ANKRD13C: variants seen among roughly 807,000 people sequenced by gnomAD.
ANKRD13C encodes ankyrin repeat domain-containing protein 13C.
Under a neutral mutation model 65.5 loss-of-function variants are expected in ANKRD13C, and 16 were observed. That is an observed-to-expected ratio of 0.24 (90% confidence interval 0.17 to 0.37). ANKRD13C has a LOEUF of 0.37. Among genes scored for constraint, ANKRD13C ranks in the 10% least tolerant of loss-of-function variants. The pLI, the probability that ANKRD13C is intolerant of heterozygous loss-of-function variation, is 1.00. For missense variants in ANKRD13C, 503 were observed against 655.9 expected, an observed-to-expected ratio of 0.77 and a Z score of 2.55; for synonymous variants, 235 against 238.7, an observed-to-expected ratio of 0.98 and a Z score of 0.14.
chr1:70,282,054 CTTT>C (rs1228023912), intron 9 of ANKRD13C, among the ~76,000 whole-genome samples: 6 of 131,996 alleles, frequency 4.5e-5, no homozygotes, highest in Admixed American at 7.7e-5. Context: ...TACATATCAT[CTTT>C]TTTTTTTTTT....
chr1:70,271,066 C>G, intron 11 of ANKRD13C, 110 bp from the exon 12 acceptor site: 2 of 634,614 alleles, frequency 3.2e-6, no homozygotes, highest in South Asian at 2.0e-5. Context: ...CTTCCAGATA[C>G]TAAGGATGAG....
chr1:70,272,990 AAAATAAATAAATAAAT>A (rs56932890), intron 11 of ANKRD13C, among the ~76,000 whole-genome samples: 1 of 147,116 alleles, frequency 6.8e-6, no homozygotes, highest in Non-Finnish European at 1.5e-5. Flanking sequence ...TCTGTCTCAA[AAAATAAATAAATAAAT>A]AAATAAATAA....
In ANKRD13C at chr1:70,288,471, G is replaced by T. The variant is rs112791385; in HGVS notation, c.1215+3917C>A. Among the ~76,000 whole-genome samples the T allele has an allele frequency of 4.3e-3, 647 of 152,116 alleles. 4 individuals are homozygous for T. Among genetic ancestry groups the T allele is most frequent in the African/African-American group, 0.015 (617 of 41,488 alleles). On this transcript the variant is annotated intron_variant, in intron 9 of 12. Transcript: ENST00000370944. ...GTTTTTTGCAGCTTAATTCATTATG[G>T]CCCAAAACAACCCAGATGTTCTTCA...
intron 1 of ANKRD13C, among the ~76,000 whole-genome samples, chr1:70,336,740 T>C (rs1042201746): frequency 1.3e-5 from 2 of 152,120 alleles, no homozygotes; most frequent in African/African-American, 4.8e-5. Flanking sequence ...AATTTATATT[T>C]GGGAAACAAA....
At chr1:70,300,090 GATAAA>G (rs1334105129) in intron 7 of ANKRD13C, among the ~76,000 whole-genome samples, 4 of 152,068 alleles carry the variant, frequency 2.6e-5, no homozygotes, top group African/African-American at 9.7e-5. Flanking sequence ...ATATTAAGGA[GATAAA>G]ATAAAGATGG....
intron 12 of ANKRD13C, among the ~76,000 whole-genome samples, chr1:70,264,042 C>A (rs1262722599): frequency 2.0e-5 from 3 of 152,030 alleles, no homozygotes; most frequent in African/African-American, 7.2e-5. Flanking sequence ...TCCTTTGTAC[C>A]TACTATATGC....
In ANKRD13C at chr1:70,313,676, G is replaced by A. The variant is rs59610555; in HGVS notation, c.709+69C>T. 2,940 of 1,145,618 alleles carry A rather than the reference G, an allele frequency of 2.6e-3. 51 individuals carry two copies. In the African/African-American group the frequency reaches 0.041, roughly 16 times the overall value. The allele number at this position is 1,145,618 out of a possible 1,614,324, so 71.0% of individuals were successfully genotyped here. A position where few individuals can be genotyped will look rare whatever the true frequency, so the allele number is the denominator to read the frequency against. On this transcript the variant is annotated intron_variant, in intron 5 of 12. Coordinates refer to ENST00000370944, the MANE Select transcript of ANKRD13C (RefSeq NM_030816.5). ...ATTTGTTATCCTAACATTTCTATAT[G>A]ATAGGTATTTTTGTACTTGCATTTC... is the stretch of plus-strand genomic sequence containing the variant.
In ANKRD13C at chr1:70,326,370, G is replaced by A. The variant is rs185103886; in HGVS notation, c.473-1413C>T. On this transcript the variant is annotated intron_variant, in intron 2 of 12. Transcript: ENST00000370944. Reference sequence around the variant, plus strand: ...AGGTACTAGACAAGGTATTGCTATCGAAGAGCATAATTCCTATGTTGGAAT... The same window carrying A: ...AGGTACTAGACAAGGTATTGCTATCAAAGAGCATAATTCCTATGTTGGAAT... Among the ~76,000 whole-genome samples, 17 of 149,658 alleles carry A rather than the reference G, an allele frequency of 1.1e-4. No homozygotes were observed. In the South Asian group the frequency reaches 2.1e-3, roughly 19 times the overall value.
At chr1:70,301,304 C>G (rs1680346157) in intron 6 of ANKRD13C, among the ~76,000 whole-genome samples, 1 of 152,042 alleles carries the variant, frequency 6.6e-6, no homozygotes. Flanking sequence ...TGTTTCCTAC[C>G]ATTTCCCTTA....
At chr1:70,272,206 C>T (rs1678915701) in intron 11 of ANKRD13C, among the ~76,000 whole-genome samples, 1 of 149,616 alleles carries the variant, frequency 6.7e-6, no homozygotes, top group Admixed American at 6.7e-5. Flanking sequence ...ATTTGTCTGG[C>T]ATTTGTATGC....
intron 7 of ANKRD13C, 48 bp downstream of exon 7, chr1:70,300,715 AC>A (rs1490317694): frequency 6.8e-7 from 1 of 1,470,636 alleles, no homozygotes; most frequent in Non-Finnish European, 9.0e-7. Flanking sequence ...AAAAACCTAT[AC>A]TTTTTTTTTA....
intron 5 of ANKRD13C, among the ~76,000 whole-genome samples, chr1:70,310,923 C>A (rs1680819615): frequency 6.6e-6 from 1 of 152,122 alleles, no homozygotes; most frequent in Non-Finnish European, 1.5e-5. Context: ...TGTTCTAGGA[C>A]ACCAGGACTC....
At chr1:70,314,255 A>G (rs896767594) in intron 4 of ANKRD13C, among the ~76,000 whole-genome samples, 1 of 151,656 alleles carries the variant, frequency 6.6e-6, no homozygotes, top group African/African-American at 2.4e-5. Flanking sequence ...GTCTCACTCC[A>G]TCGCCCAGGT....
chr1:70,306,144 GTAAGT>G lies in ANKRD13C; in HGVS notation c.776+75_776+79del, dbSNP rs1680579115. 1.4e-5 allele frequency: 14 copies of G among 969,696 alleles called. No homozygotes were observed. The South Asian group carries it at 2.5e-4, about 18-fold the overall frequency. 60.1% of individuals were successfully genotyped at this position (969,696 alleles called of 1,614,324 possible). A position where few individuals can be genotyped will look rare whatever the true frequency, so the allele number is the denominator to read the frequency against. Reference sequence around the variant, plus strand: ...AGCATTTTAACGTCATAAAACACATGTAAGTTATGATTACAGGGAAAAAAATCTTC... The same window carrying G: ...AGCATTTTAACGTCATAAAACACATGTATGATTACAGGGAAAAAAATCTTC... On this transcript the variant is annotated intron_variant, in intron 6 of 12. Coordinates refer to ENST00000370944, the MANE Select transcript of ANKRD13C (RefSeq NM_030816.5).
At chr1:70,315,888 AAG>A (rs981974738) in intron 3 of ANKRD13C, among the ~76,000 whole-genome samples, 2 of 152,200 alleles carry the variant, frequency 1.3e-5, no homozygotes, top group African/African-American at 4.8e-5. Context: ...GAATAATGAG[AAG>A]AGATATTTCA....
intron 2 of ANKRD13C, among the ~76,000 whole-genome samples, chr1:70,326,222 ACT>A (rs1204452450): frequency 8.0e-6 from 1 of 125,192 alleles, no homozygotes; most frequent in Non-Finnish European, 1.6e-5. Context: ...CAAGAGCCAA[ACT>A]CTGTCTCAAA....
chr1:70,282,375 T>G (rs1679436437), intron 9 of ANKRD13C, among the ~76,000 whole-genome samples: 2 of 151,898 alleles, frequency 1.3e-5, no homozygotes, highest in South Asian at 4.1e-4. Context: ...TCTTATACCA[T>G]GTGGATGCAA....
At chr1:70,310,393 A>G (rs1221843806) in intron 5 of ANKRD13C, among the ~76,000 whole-genome samples, 1 of 152,354 alleles carries the variant, frequency 6.6e-6, no homozygotes, top group East Asian at 1.9e-4. Context: ...TTCGTTTTAG[A>G]ATTATACATG....
At chr1:70,274,651 AAAT>A in intron 11 of ANKRD13C, 66 bp downstream of exon 11, 1 of 1,203,636 alleles carries the variant, frequency 8.3e-7, no homozygotes, top group Non-Finnish European at 1.2e-6. Flanking sequence ...ACTGGGGTGC[AAAT>A]ATTATTACAG....
Sources: allele counts gnomAD v4.1 joint callset (sites outside exome capture counted in the v4.1 genomes callset), GRCh38; gene constraint gnomAD v4.1.1; transcripts MANE v1.5; gene names NCBI Gene and HGNC (gene_info 2026-07-23, HGNC 2026-07-21).